The following UTP6 variants were observed in gnomAD, a reference collection of about 807,000 sequenced individuals.
UTP6 encodes U3 small nucleolar RNA-associated protein 6 homolog.
A neutral mutation model predicts 96.5 loss-of-function variants in UTP6; 60 were observed. That is an observed-to-expected ratio of 0.62 (90% CI 0.51 to 0.77). The LOEUF (loss-of-function observed/expected upper bound fraction) is 0.77. Ranked by LOEUF, UTP6 falls within the 30% of genes least tolerant of loss-of-function variation. The probability of loss-of-function intolerance (pLI) is 0.00; values close to 1 mark genes in which losing one functional copy is unlikely to be tolerated. For missense variants in UTP6, 637 were observed against 706.5 expected, an observed-to-expected ratio of 0.90 and a Z score of 1.12; for synonymous variants, 215 against 240.1, an observed-to-expected ratio of 0.90 and a Z score of 0.96.
intron 4 of UTP6, among the ~76,000 whole-genome samples, chr17:31,894,374 T>G (rs1406084857): frequency 6.6e-6 from 1 of 151,734 alleles, no homozygotes; most frequent in African/African-American, 2.4e-5. Context: ...TACAAATATA[T>G]ACAAATATCT....
chr17:31,898,849 T>A (rs765474002), intron 2 of UTP6, among the ~76,000 whole-genome samples: 22 of 152,154 alleles, frequency 1.4e-4, no homozygotes, highest in Non-Finnish European at 2.2e-4. Flanking sequence ...GAGACCAGCC[T>A]AGCCAACATG....
At chr17:31,868,002 T>G (rs1366408937) in intron 17 of UTP6, 44 bp downstream of exon 17, 1 of 1,588,636 alleles carries the variant, frequency 6.3e-7, no homozygotes, top group Non-Finnish European at 8.6e-7. Context: ...TAGTAACCAC[T>G]AATCCATTTT....
rs768435185 is a variant in UTP6, at chr17:31,901,562, A to G, written c.66T>C (p.Ile22=). 1 of 1,613,946 alleles carries G rather than the reference A, an allele frequency of 6.2e-7. No individual in the cohort carries two copies. The highest frequency in any genetic ancestry group is 1.3e-5 in the African/African-American group (1 of 74,906). The change falls in exon 1 of 19, where the codon ATT becomes ATC. Residue 22 remains isoleucine (I), a synonymous_variant. Transcript: ENST00000261708. ...TAATCTCCGCATGACTGAACAGTCC[A>G]ATGCGCTCCAGCTGTTCCAATTCCG... ...RLPELEQLER[I]GLFSHAEIKA... is the part of the protein sequence containing the mutation.
intron 17 of UTP6, among the ~76,000 whole-genome samples, chr17:31,866,212 A>G (rs537558788): frequency 2.8e-3 from 397 of 143,538 alleles, no homozygotes; most frequent in African/African-American, 7.2e-3. Flanking sequence ...GCGTGAACCT[A>G]GGAGGTGGAG....
chr17:31,895,556 CG>C (rs1362249888), intron 2 of UTP6, among the ~76,000 whole-genome samples: 1 of 151,944 alleles, frequency 6.6e-6, no homozygotes, highest in African/African-American at 2.4e-5. Flanking sequence ...TTTTTTGAGA[CG>C]GGGTCTCCCT....
At chr17:31,887,347 G>A in intron 7 of UTP6, 34 bp from the exon 8 acceptor site, 6 of 1,601,132 alleles carry the variant, frequency 3.7e-6, no homozygotes, top group Non-Finnish European at 5.1e-6. Flanking sequence ...AATCTTTGGA[G>A]ATGCTTTTTA....
At chr17:31,867,193 T>C (rs1252713321) in intron 17 of UTP6, among the ~76,000 whole-genome samples, 2 of 152,144 alleles carry the variant, frequency 1.3e-5, no homozygotes, top group African/African-American at 4.8e-5. Context: ...ATAAAACTGT[T>C]CTATACTGTA....
intron 12 of UTP6, 51 bp downstream of exon 12, chr17:31,878,651 C>T (rs1303184339): frequency 2.0e-6 from 3 of 1,536,558 alleles, no homozygotes; most frequent in Non-Finnish European, 1.8e-6. Context: ...TCTGTTCTTT[C>T]AGAAGGCAGT....
intron 1 of UTP6, among the ~76,000 whole-genome samples, chr17:31,900,949 C>G (rs369234900): frequency 1.3e-5 from 2 of 152,192 alleles, no homozygotes; most frequent in Non-Finnish European, 2.9e-5. Context: ...AGTCACATTA[C>G]TACATTCAGA....
chr17:31,880,426 A>AAT, intron 11 of UTP6, 147 bp downstream of exon 11: 1 of 166,924 alleles, frequency 6.0e-6, no homozygotes, highest in Non-Finnish European at 1.1e-5. Flanking sequence ...GCCTCCCAAT[A>AAT]AAAAAAAAAA....
At chr17:31,894,268 CA>C (rs1179270340) in intron 4 of UTP6, among the ~76,000 whole-genome samples, 914 of 62,988 alleles carry the variant, frequency 0.015, 6 homozygotes, top group African/African-American at 0.04. Flanking sequence ...GACCTTATCT[CA>C]AAAAAAAAAA....
intron 7 of UTP6, chr17:31,888,059 C>T (rs1911257078): frequency 6.7e-6 from 1 of 150,320 alleles, no homozygotes; most frequent in South Asian, 2.1e-4. Flanking sequence ...CATTCTTTCT[C>T]TTATTTGGGA....
At chr17:31,888,169 G>C (rs1363336233) in intron 7 of UTP6, 5 of 151,460 alleles carry the variant, frequency 3.3e-5, no homozygotes, top group Admixed American at 3.3e-4. Flanking sequence ...TCTATCTCAA[G>C]AAAAGGAGAC....
Position 31,892,241 on chromosome 17 carries a change from G to A in UTP6, c.424+19C>T. ...AGTCTAAATAAAACATAGAAAAATT[G>A]ACAAAGATTTCACCATACCTGGTTT... On this transcript the variant is annotated intron_variant, in intron 6 of 18. Transcript: ENST00000261708. 2 of 1,612,948 alleles carry A rather than the reference G, an allele frequency of 1.2e-6. No individual in the cohort carries two copies. Among genetic ancestry groups the A allele is most frequent in the Non-Finnish European group, 8.5e-7 (1 of 1,179,332 alleles).
At chr17:31,870,596 A>G (rs999757497) in intron 16 of UTP6, among the ~76,000 whole-genome samples, 16 of 149,066 alleles carry the variant, frequency 1.1e-4, no homozygotes, top group East Asian at 5.9e-4. Context: ...ATCTCAGCTC[A>G]CTGCAAGCTC....
chr17:31,892,317 T>C lies in UTP6; in HGVS notation c.367A>G (p.Lys123Glu). 3.7e-6 allele frequency: 6 copies of C among 1,614,098 alleles called. No homozygotes were observed. The highest frequency in any genetic ancestry group is 5.1e-6 in the Non-Finnish European group (6 of 1,180,006). The change falls in exon 6 of 19, where the codon AAA (lysine) becomes GAA (glutamate). Residue 123 changes from lysine to glutamate, a missense_variant. Transcript: ENST00000261708. The part of the protein sequence containing the change: ...YVAFCKKWAT[K>E]TRLSKVFSAM... Reference sequence around the variant, plus strand: ...GAGAATACCTTGCTAAGTCGAGTTTTAGTAGCCTGTAAAAAAGGAAAATAT... The same window carrying C: ...GAGAATACCTTGCTAAGTCGAGTTTCAGTAGCCTGTAAAAAAGGAAAATAT...
intron 16 of UTP6, among the ~76,000 whole-genome samples, chr17:31,871,306 A>G (rs1455151650): frequency 6.6e-6 from 1 of 151,976 alleles, no homozygotes; most frequent in Non-Finnish European, 1.5e-5. Flanking sequence ...AACTTTTCAT[A>G]GAAATGAAGT....
Position 31,889,293 on chromosome 17 carries a change from A to G in UTP6, c.535T>C (p.Tyr179His), listed in dbSNP as rs1230451939. ...TGTGCATACACACTCACTTCTTTAT[A>G]AAGTTTTGGGCACTCTGGATGAAAG... ...LRFHPECPKL[Y>H]KEYFRMELMH... Residue 179 changes from tyrosine (Y) to histidine (H), a missense_variant, in exon 7 of 19, where the codon TAT (tyrosine) becomes CAT (histidine). Physicochemically the swap from Tyr to His is moderately conservative, Grantham distance 83 (BLOSUM62 2). Coordinates refer to ENST00000261708, the MANE Select transcript of UTP6 (RefSeq NM_018428.3). The G allele has an allele frequency of 3.1e-6, 5 of 1,611,558 alleles. No homozygotes were observed. Among genetic ancestry groups the G allele is most frequent in the East Asian group, 2.2e-5 (1 of 44,818 alleles).
intron 17 of UTP6, among the ~76,000 whole-genome samples, chr17:31,866,898 A>AC (rs1396548518): frequency 6.7e-6 from 1 of 149,514 alleles, no homozygotes; most frequent in Non-Finnish European, 1.5e-5. Flanking sequence ...AAAAAAAAAA[A>AC]AAAAAAAAAA....
Sources: allele counts gnomAD v4.1 joint callset (sites outside exome capture counted in the v4.1 genomes callset), GRCh38; gene constraint gnomAD v4.1.1; transcripts MANE v1.5; gene names NCBI Gene and HGNC (gene_info 2026-07-23, HGNC 2026-07-21).